Variants in LRRC37A2 observed in about 807,000 individuals in gnomAD.
LRRC37A2 encodes leucine-rich repeat-containing protein 37A2.
A neutral mutation model predicts 68.8 loss-of-function variants in LRRC37A2; 9 were observed. That is an observed-to-expected ratio of 0.13 (90% CI 0.08 to 0.23). The LOEUF (loss-of-function observed/expected upper bound fraction) is 0.23, where lower values mean the gene tolerates loss of function less well. Among genes scored for constraint, LRRC37A2 ranks in the 10% least tolerant of loss-of-function variants. The probability of loss-of-function intolerance (pLI) is 1.00; values close to 1 mark genes in which losing one functional copy is unlikely to be tolerated. For missense variants in LRRC37A2, 168 were observed against 950.4 expected (o/e 0.18, Z 10.82); for synonymous variants, 63 against 367.6 (o/e 0.17, Z 9.48).
chr17:46,602,782 T>C, the LRRC37A2 span, among the ~76,000 whole-genome samples: 9 of 146,782 alleles, frequency 6.1e-5, no homozygotes, highest in East Asian at 5.9e-4. Flanking sequence ...AGAATAATAT[T>C]GATATAATTT....
At chr17:46,907,799 T>G in the LRRC37A2 span, among the ~76,000 whole-genome samples, 12 of 150,262 alleles carry the variant, frequency 8.0e-5, no homozygotes, top group Non-Finnish European at 1.8e-4. Context: ...GAGGTTGCAG[T>G]GAGCCATGAT....
chr17:46,988,750 T>C, the LRRC37A2 span, among the ~76,000 whole-genome samples: 2 of 152,004 alleles, frequency 1.3e-5, no homozygotes, highest in Admixed American at 6.5e-5. Context: ...CCGGGGAACT[T>C]AGGCACCCTG....
At chr17:46,881,969 C>T in the LRRC37A2 span, among the ~76,000 whole-genome samples, 1 of 152,302 alleles carries the variant, frequency 6.6e-6, no homozygotes, top group East Asian at 1.9e-4. Context: ...ATTCAGACTT[C>T]CCCAATTGTC....
At chr17:46,744,003 C>T in the LRRC37A2 span, among the ~76,000 whole-genome samples, 2 of 152,144 alleles carry the variant, frequency 1.3e-5, no homozygotes, top group African/African-American at 4.8e-5. Flanking sequence ...TTTTCAAGGG[C>T]CTTGCCAGTG....
At chr17:46,876,216 A>T in the LRRC37A2 span, 1 of 1,567,594 alleles carries the variant, frequency 6.4e-7, no homozygotes, top group Admixed American at 1.7e-5. Flanking sequence ...CAGGCCTCTG[A>T]CCACGCCTCT....
At chr17:46,621,291 ATT>A in the LRRC37A2 span, among the ~76,000 whole-genome samples, 3 of 129,074 alleles carry the variant, frequency 2.3e-5, no homozygotes, top group Non-Finnish European at 1.8e-5. Context: ...TTGTTCTGGA[ATT>A]TTTTTTTTTT....
At chr17:46,891,913 CTTTTCTTTTTTTT>C in the LRRC37A2 span, among the ~76,000 whole-genome samples, 2 of 117,306 alleles carry the variant, frequency 1.7e-5, no homozygotes, top group Non-Finnish European at 3.5e-5. Flanking sequence ...CTTTTCTTTT[CTTTTCTTTTTTTT>C]TTTTTTTTTT....
At chr17:46,786,494 C>T in the LRRC37A2 span, among the ~76,000 whole-genome samples, 3 of 152,246 alleles carry the variant, frequency 2.0e-5, no homozygotes, top group Non-Finnish European at 4.4e-5. Context: ...GACCCCAGAG[C>T]GTCTCCCTGA....
chr17:47,029,312 G>A, the LRRC37A2 span, among the ~76,000 whole-genome samples: 51 of 152,072 alleles, frequency 3.4e-4, 1 homozygote, highest in South Asian at 9.0e-3. Flanking sequence ...AAAATATATC[G>A]CTGTATCTTA....
At chr17:46,997,119 G>A in the LRRC37A2 span, among the ~76,000 whole-genome samples, 1 of 152,180 alleles carries the variant, frequency 6.6e-6, no homozygotes, top group Non-Finnish European at 1.5e-5. Flanking sequence ...GGGAGGCGGA[G>A]GCAGTCTGAT....
the LRRC37A2 span, among the ~76,000 whole-genome samples, chr17:46,462,346 T>C: frequency 1.5e-5 from 1 of 65,312 alleles, no homozygotes; most frequent in South Asian, 6.5e-4. Flanking sequence ...AACATGTTCA[T>C]GTATGGGAGA....
the LRRC37A2 span, among the ~76,000 whole-genome samples, chr17:46,833,813 G>C: frequency 2.0e-5 from 3 of 152,284 alleles, no homozygotes; most frequent in Non-Finnish European, 4.4e-5. Flanking sequence ...CGGGAGGCTT[G>C]CTTTTCCTTC....
chr17:46,846,890 G>A, the LRRC37A2 span, among the ~76,000 whole-genome samples: 1 of 152,194 alleles, frequency 6.6e-6, no homozygotes, highest in Non-Finnish European at 1.5e-5. Context: ...AGATAGGACA[G>A]GGGCCCTTCC....
the LRRC37A2 span, among the ~76,000 whole-genome samples, chr17:46,841,271 T>C: frequency 6.6e-6 from 1 of 152,084 alleles, no homozygotes; most frequent in Non-Finnish European, 1.5e-5. Context: ...CTCTGAGAGA[T>C]TGTAAGGGAC....
the LRRC37A2 span, chr17:46,755,397 T>C: frequency 1.3e-5 from 21 of 1,572,750 alleles, no homozygotes; most frequent in Non-Finnish European, 1.8e-5. Flanking sequence ...TTAATGACCA[T>C]CAACCAAACT....
At chr17:46,810,238 C>T in the LRRC37A2 span, among the ~76,000 whole-genome samples, 1 of 152,060 alleles carries the variant, frequency 6.6e-6, no homozygotes, top group African/African-American at 2.4e-5. Context: ...AAACTCCTGA[C>T]CTCAGGTGAT....
At chr17:46,754,074 G>T in the LRRC37A2 span, among the ~76,000 whole-genome samples, 2 of 149,596 alleles carry the variant, frequency 1.3e-5, no homozygotes, top group Admixed American at 1.3e-4. Flanking sequence ...TCAGTAAGTT[G>T]TTGCTCACAC....
the LRRC37A2 span, among the ~76,000 whole-genome samples, chr17:46,830,261 C>CT: frequency 6.6e-6 from 1 of 152,024 alleles, no homozygotes; most frequent in African/African-American, 2.4e-5. Flanking sequence ...TATTTCCTTT[C>CT]TTTTTTTTGA....
At chr17:46,771,405 GC>G in the LRRC37A2 span, among the ~76,000 whole-genome samples, 2 of 151,420 alleles carry the variant, frequency 1.3e-5, no homozygotes, top group Non-Finnish European at 2.9e-5. Flanking sequence ...CAGGGCGGGC[GC>G]CCCTCGTTTC....
Sources: gnomAD v4.1 joint callset for allele counts (sites outside exome capture counted in the v4.1 genomes callset) on GRCh38, gnomAD v4.1.1 for gene constraint, MANE v1.5 for transcripts, NCBI Gene and HGNC (gene_info 2026-07-23, HGNC 2026-07-21) for gene names.